Variants in CCNH observed in about 807,000 individuals in gnomAD.
The protein encoded by CCNH is cyclin-H.
A neutral mutation model predicts 41.9 loss-of-function variants in CCNH; 31 were observed. That is an observed-to-expected ratio of 0.74 (90% CI 0.56 to 1.00). CCNH has a LOEUF of 1.00. CCNH is among the 50% of genes least tolerant of loss of function. The probability of loss-of-function intolerance (pLI) is 0.00; values close to 1 mark genes in which losing one functional copy is unlikely to be tolerated. For synonymous variants in CCNH, 138 were observed against 136.1 expected (o/e 1.01, Z -0.10); for missense variants, 362 against 388.4 (o/e 0.93, Z 0.57).
At chr5:87,321,260 A>G (rs1756783764) in intron 9 of CCNH, among the ~76,000 whole-genome samples, 2 of 152,250 alleles carry the variant, frequency 1.3e-5, no homozygotes, top group South Asian at 2.1e-4. Context: ...CTCTTACACC[A>G]CAACAATCAA....
chr5:87,393,653 C>CACTT (rs1450234843), downstream of CCNH: 1 of 152,092 alleles, frequency 6.6e-6, no homozygotes, highest in Non-Finnish European at 1.5e-5. Context: ...TACACGGATT[C>CACTT]ACTTATAGGA....
chr5:87,386,107 A>G (rs892485333), intron 9 of CCNH, among the ~76,000 whole-genome samples: 1 of 151,952 alleles, frequency 6.6e-6, no homozygotes, highest in Non-Finnish European at 1.5e-5. Flanking sequence ...TGGGTACTAT[A>G]CTTTTTTCTT....
chr5:87,351,200 G>A (rs775379582), intron 9 of CCNH, among the ~76,000 whole-genome samples: 32 of 151,238 alleles, frequency 2.1e-4, no homozygotes, highest in Non-Finnish European at 4.0e-4. Context: ...AAGCAGAAGA[G>A]GCATTTAATA....
intron 9 of CCNH, chr5:87,349,286 C>A: frequency 6.2e-7 from 1 of 1,612,020 alleles, no homozygotes; most frequent in Non-Finnish European, 8.5e-7. Flanking sequence ...TATTTCCGGA[C>A]CAATGAAAAT....
intron 9 of CCNH, among the ~76,000 whole-genome samples, chr5:87,338,517 A>G (rs1251397203): frequency 3.0e-5 from 3 of 99,302 alleles, no homozygotes; most frequent in Admixed American, 1.0e-4. Flanking sequence ...ATATATATAT[A>G]TATATATATA....
downstream of CCNH, chr5:87,389,559 T>A (rs753954800): frequency 1.2e-6 from 2 of 1,609,306 alleles, no homozygotes; most frequent in Non-Finnish European, 1.7e-6. Context: ...TTAACAATGA[T>A]GTTTCAAAGA....
intron 9 of CCNH, chr5:87,337,904 G>T: frequency 7.0e-7 from 1 of 1,433,100 alleles, no homozygotes; most frequent in Non-Finnish European, 9.4e-7. Flanking sequence ...CCTATTTTGT[G>T]GTATATGACT....
At position 87,383,777 on chromosome 5, in the gene CCNH, T is replaced by A; in HGVS notation, c.*90+8993A>T. On this transcript the variant is annotated intron_variant and NMD_transcript_variant, in intron 9 of 9. Transcript: ENST00000645953. Reference sequence around the variant, plus strand: ...GAATCCACGGATGTTCAATATCATCTCAGGTAATCAGCTTTTGATACATTT... The same window carrying A: ...GAATCCACGGATGTTCAATATCATCACAGGTAATCAGCTTTTGATACATTT... 1 of 1,608,646 alleles carries A rather than the reference T, an allele frequency of 6.2e-7. No individual in the cohort carries two copies. Among genetic ancestry groups the A allele is most frequent in the Non-Finnish European group, 8.5e-7 (1 of 1,176,036 alleles).
At chr5:87,334,872 G>A (rs1271873559) in intron 9 of CCNH, among the ~76,000 whole-genome samples, 3 of 151,926 alleles carry the variant, frequency 2.0e-5, no homozygotes, top group Admixed American at 6.6e-5. Context: ...TGAGTTGAGA[G>A]CTGAACTAGT....
At chr5:87,385,156 A>C (rs1345651302) in intron 9 of CCNH, 1 of 675,852 alleles carries the variant, frequency 1.5e-6, no homozygotes, top group Non-Finnish European at 2.6e-6. Context: ...TTCAAAAAAC[A>C]TTTTTCCAAA....
upstream of CCNH, among the ~76,000 whole-genome samples, chr5:87,377,563 C>T (rs1190252202): frequency 6.6e-6 from 1 of 152,044 alleles, no homozygotes; most frequent in Non-Finnish European, 1.5e-5. Context: ...TCTTGAACTC[C>T]TGACTTCAGG....
chr5:87,320,952 T>C (rs540528747), intron 9 of CCNH, among the ~76,000 whole-genome samples: 4 of 152,320 alleles, frequency 2.6e-5, no homozygotes, highest in East Asian at 1.9e-4. Flanking sequence ...TTGAATGCCA[T>C]GGTGAATAGT....
At chr5:87,383,584 T>C (rs1761873675) in intron 9 of CCNH, 1 of 629,880 alleles carries the variant, frequency 1.6e-6, no homozygotes, top group Non-Finnish European at 2.7e-6. Context: ...GGGCTTTCTT[T>C]TATTGGTTTA....
intron 9 of CCNH, among the ~76,000 whole-genome samples, chr5:87,329,281 C>CAAA (rs571157213): frequency 1.8e-4 from 21 of 119,180 alleles, no homozygotes; most frequent in African/African-American, 4.6e-4. Context: ...TCTGTCTCTC[C>CAAA]AAAAAAAAAA....
At chr5:87,393,360 G>GTT (rs1341460922), downstream of CCNH, 1 of 151,940 alleles carries the variant, frequency 6.6e-6, no homozygotes, top group Non-Finnish European at 1.5e-5. Context: ...AATTATAATA[G>GTT]TTAACACTTA....
chr5:87,378,573 A>G (rs774071375), upstream of CCNH: 8 of 1,561,796 alleles, frequency 5.1e-6, no homozygotes, highest in Non-Finnish European at 7.0e-6. Context: ...TATTTTTGCA[A>G]AGAACATATT....
chr5:87,353,464 A>C (rs1759429267), intron 9 of CCNH, among the ~76,000 whole-genome samples: 1 of 151,998 alleles, frequency 6.6e-6, no homozygotes, highest in African/African-American at 2.4e-5. Flanking sequence ...GCAGTCGTGG[A>C]GGAAGGTAAG....
intron 9 of CCNH, chr5:87,349,153 C>T: frequency 6.4e-7 from 1 of 1,573,152 alleles, no homozygotes; most frequent in Non-Finnish European, 8.7e-7. Context: ...AATAATACTA[C>T]TTAACATCTT....
rs369616310 is a variant in CCNH, at chr5:87,337,298, G to A, written c.*91-18401C>T. 1.1e-4 allele frequency among the ~76,000 whole-genome samples: 16 copies of A among 152,078 alleles called. No homozygotes were observed. In the East Asian group the frequency reaches 2.9e-3, roughly 28 times the overall value. ...AGTAAAAGGAAACTAAGTTGTATAT[G>A]CATCTCTGTACTCTTAAATTGGTAA... On this transcript the variant is annotated intron_variant and NMD_transcript_variant, in intron 9 of 9. Coordinates refer to the CCNH transcript ENST00000645953.
Sources: allele counts gnomAD v4.1 joint callset (sites outside exome capture counted in the v4.1 genomes callset), GRCh38; gene constraint gnomAD v4.1.1; transcripts MANE v1.5; gene names NCBI Gene and HGNC (gene_info 2026-07-23, HGNC 2026-07-21).